The following SLC43A3 variants were observed in gnomAD, a reference collection of about 807,000 sequenced individuals.
The protein encoded by SLC43A3 is equilibrative nucleobase transporter 1.
A neutral mutation model predicts 53.3 loss-of-function variants in SLC43A3; 33 were observed. That is an observed-to-expected ratio of 0.62 (90% CI 0.47 to 0.83). SLC43A3 has a LOEUF of 0.83. Ranked by LOEUF, SLC43A3 falls within the 40% of genes least tolerant of loss-of-function variation. The pLI is 0.00. For missense variants in SLC43A3, 530 were observed against 610.0 expected (o/e 0.87, Z 1.38); for synonymous variants, 236 against 246.2 (o/e 0.96, Z 0.39).
At chr11:57,425,288 G>A (rs971498482) in intron 4 of SLC43A3, among the ~76,000 whole-genome samples, 12 of 152,226 alleles carry the variant, frequency 7.9e-5, no homozygotes, top group African/African-American at 2.2e-4. Context: ...AATTCAGCAC[G>A]TGATAGGGAA....
Position 57,414,982 on chromosome 11 carries a change from G to A in SLC43A3, c.894C>T (p.Gly298=). 1 of 1,613,904 alleles carries A rather than the reference G, an allele frequency of 6.2e-7. No individual in the cohort carries two copies. The change falls in exon 10 of 14, where the codon GGC becomes GGT. Residue 298 remains glycine, a synonymous_variant. Coordinates refer to ENST00000395124, the MANE Select transcript of SLC43A3 (RefSeq NM_199329.3). The part of the protein sequence containing the change: ...VIQLWHYLFI[G]TLNSLLTNMA... Reference sequence around the variant, plus strand: ...TGTTGGTCAGCAAGGAGTTGAGAGTGCCAATGAAGAGGTAGTGCCACAACT... The same window carrying A: ...TGTTGGTCAGCAAGGAGTTGAGAGTACCAATGAAGAGGTAGTGCCACAACT...
intron 7 of SLC43A3, among the ~76,000 whole-genome samples, chr11:57,418,573 G>A (rs930172947): frequency 2.0e-5 from 3 of 152,072 alleles, no homozygotes; most frequent in Non-Finnish European, 4.4e-5. Context: ...GTGCACGCCT[G>A]TAATTCCAGC....
intron 8 of SLC43A3, 74 bp from the exon 9 acceptor site, chr11:57,416,744 G>C: frequency 1.7e-6 from 2 of 1,202,470 alleles, no homozygotes; most frequent in South Asian, 2.5e-5. Context: ...GGAGGGAATA[G>C]CATGGTGAAT....
At chr11:57,421,846 CTA>C (rs1942999879) in intron 5 of SLC43A3, among the ~76,000 whole-genome samples, 1 of 152,316 alleles carries the variant, frequency 6.6e-6, no homozygotes, top group Admixed American at 6.5e-5. Context: ...GTCTCAGGTG[CTA>C]TGAGAACTGA....
chr11:57,410,776 G>A lies in SLC43A3; in HGVS notation c.1061-655C>T, dbSNP rs138566942. Among the ~76,000 whole-genome samples the A allele has an allele frequency of 5.3e-5, 8 of 152,288 alleles. 1 individual carries two copies. In the East Asian group the frequency reaches 1.5e-3, roughly 29 times the overall value. On this transcript the variant is annotated intron_variant, in intron 11 of 13. Transcript: ENST00000395124. Reference sequence around the variant, plus strand: ...ATCTCCCAGAATTCCCACGTATTGTGGGTGGGACCCAGTGGGGGAGGGTAA... The same window carrying A: ...ATCTCCCAGAATTCCCACGTATTGTAGGTGGGACCCAGTGGGGGAGGGTAA...
chr11:57,417,705 G>A (rs770199342), intron 8 of SLC43A3, 43 bp downstream of exon 8: 3 of 1,611,494 alleles, frequency 1.9e-6, no homozygotes, highest in Non-Finnish European at 2.5e-6. Context: ...CCACCCTAGG[G>A]CCAATGAGGG....
Position 57,410,136 on chromosome 11 carries a change from A to G in SLC43A3, c.1061-15T>C, listed in dbSNP as rs1294848955. ...AGTGGAGGAACCTGGGCGAACAGAG[A>G]GGAAAAAGAAGCTCTCTGTAGGCCA... On this transcript the variant is annotated splice_polypyrimidine_tract_variant and intron_variant, in intron 11 of 13. Coordinates refer to ENST00000395124, the MANE Select transcript of SLC43A3 (RefSeq NM_199329.3). 2 of 1,568,686 alleles carry G rather than the reference A, an allele frequency of 1.3e-6. No individual in the cohort carries two copies. Among genetic ancestry groups the G allele is most frequent in the East Asian group, 4.5e-5 (2 of 44,160 alleles).
rs969794699 is a variant in SLC43A3 at position 57,425,755 on chromosome 11, C to G, written c.185-85G>C. 4 of 1,576,334 alleles carry G rather than the reference C, an allele frequency of 2.5e-6. No homozygotes were observed. In the African/African-American group the frequency reaches 4.1e-5, roughly 16 times the overall value. ...CTGGGCTCCCCTCCACCTCAGACAGCTTGTCGGTCGCAAACTTGTCCCTTA... is the reference window on the plus strand; with the variant it reads ...CTGGGCTCCCCTCCACCTCAGACAGGTTGTCGGTCGCAAACTTGTCCCTTA... On this transcript the variant is annotated intron_variant, in intron 3 of 13. Transcript: ENST00000395124.
chr11:57,426,957 C>G (rs1943222230), intron 1 of SLC43A3, 105 bp downstream of exon 1: 1 of 152,342 alleles, frequency 6.6e-6, no homozygotes, highest in South Asian at 2.1e-4. Flanking sequence ...CCGCCAGCCT[C>G]CGCACCCCGC....
intron 7 of SLC43A3, among the ~76,000 whole-genome samples, chr11:57,420,117 T>A (rs1039735444): frequency 6.6e-6 from 1 of 152,186 alleles, no homozygotes; most frequent in Non-Finnish European, 1.5e-5. Context: ...ACTCTTCCCT[T>A]CCTTTCACTC....
At chr11:57,418,035 T>C in intron 7 of SLC43A3, 148 bp from the exon 8 acceptor site, 1 of 765,804 alleles carries the variant, frequency 1.3e-6, no homozygotes, top group Non-Finnish European at 2.0e-6. Flanking sequence ...GGAATATTAT[T>C]CAGCCTTAAA....
At position 57,409,100 on chromosome 11, in the gene SLC43A3, C is replaced by T. The variant is rs2134500139; in HGVS notation, c.1371+75G>A. 6 of 1,507,630 alleles carry T rather than the reference C, an allele frequency of 4.0e-6. No individual in the cohort carries two copies. The South Asian group carries it at 5.6e-5, about 14-fold the overall frequency. 93.4% of individuals were successfully genotyped at this position (1,507,630 alleles called of 1,614,324 possible). On this transcript the variant is annotated intron_variant, in intron 13 of 13. Coordinates refer to ENST00000395124, the MANE Select transcript of SLC43A3 (RefSeq NM_199329.3). Reference sequence around the variant, plus strand: ...GCACCATGCTACATACCCAGGCCATCACAGCCAGATTTGGGGCAGCCAAGG... The same window carrying T: ...GCACCATGCTACATACCCAGGCCATTACAGCCAGATTTGGGGCAGCCAAGG...
chr11:57,412,161 G>A (rs1190113909), intron 11 of SLC43A3, among the ~76,000 whole-genome samples: 1 of 152,118 alleles, frequency 6.6e-6, no homozygotes, highest in Non-Finnish European at 1.5e-5. Context: ...AACACACCTA[G>A]TGAAATGGAC....
chr11:57,415,332 T>C, intron 9 of SLC43A3: 1 of 1,509,708 alleles, frequency 6.6e-7, no homozygotes, highest in Non-Finnish European at 8.8e-7. Flanking sequence ...TGTTCTTCTC[T>C]ATTGAAATCC....
rs1359149589 is a variant in SLC43A3, at chr11:57,414,608, A to C, written c.1060+7T>G. 9 of 1,587,106 alleles carry C rather than the reference A, an allele frequency of 5.7e-6. No homozygotes were observed. Among genetic ancestry groups the C allele is most frequent in the Non-Finnish European group, 6.9e-6 (8 of 1,156,828 alleles). ...CTGACCAGCCCCTGCCCTCCCCCGC[A>C]TCTCACCTGTCTTTCTTGCTTCCTT... On this transcript the variant is annotated splice_region_variant and intron_variant, in intron 11 of 13. Transcript: ENST00000395124.
chr11:57,409,941 G>A lies in SLC43A3; in HGVS notation c.1241C>T (p.Thr414Ile). 6.2e-7 allele frequency: 1 copy of A among 1,610,890 alleles called. No individual in the cohort carries two copies. Among genetic ancestry groups the A allele is most frequent in the East Asian group, 2.2e-5 (1 of 44,862 alleles). The change falls in exon 12 of 14, where the codon ACC becomes ATC. Residue 414 changes from threonine (T) to isoleucine (I), a missense_variant. By Grantham distance (89) the Thr-to-Ile change is moderately conservative. Transcript: ENST00000395124. ...CCGCCCCAAGGCCACTTACGCAAGG[G>A]TGAGGAAGGCCGCGTTGCTCCCATA... is the stretch of plus-strand genomic sequence containing the variant. ...FLYGSNAAFL[T>I]LAFPSEHFGK...
intron 3 of SLC43A3, 118 bp from the exon 4 acceptor site, chr11:57,425,788 T>G (rs933454123): frequency 1.1e-5 from 17 of 1,509,362 alleles, no homozygotes; most frequent in African/African-American, 2.8e-5. Flanking sequence ...TTAAGCTGAG[T>G]TGAAATGTGG....
intron 11 of SLC43A3, among the ~76,000 whole-genome samples, chr11:57,412,020 CA>C (rs2134985010): frequency 6.6e-6 from 1 of 152,018 alleles, no homozygotes; most frequent in South Asian, 2.1e-4. Context: ...TAACTCTATC[CA>C]AAACCCAAAA....
chr11:57,408,030 C>T, intron 13 of SLC43A3, 134 bp from the exon 14 acceptor site: 2 of 621,846 alleles, frequency 3.2e-6, no homozygotes, highest in East Asian at 2.8e-5. Flanking sequence ...TTCTACTTTT[C>T]ACCCAGACAC....
Sources: allele counts gnomAD v4.1 joint callset (sites outside exome capture counted in the v4.1 genomes callset), GRCh38; gene constraint gnomAD v4.1.1; transcripts MANE v1.5; gene names NCBI Gene and HGNC (gene_info 2026-07-23, HGNC 2026-07-21).